ELANE: variants seen among roughly 807,000 people sequenced by gnomAD.
ELANE encodes neutrophil elastase.
Under a neutral mutation model 20.6 loss-of-function variants are expected in ELANE, and 12 were observed. The ratio of observed to expected loss-of-function variants is 0.58; its 90% CI spans 0.37 to 0.94. The LOEUF (loss-of-function observed/expected upper bound fraction) is 0.94. ELANE is among the 40% of genes least tolerant of loss of function. The pLI, the probability that ELANE is intolerant of heterozygous loss-of-function variation, is 0.01. For synonymous variants in ELANE, 203 were observed against 177.4 expected (o/e 1.14, Z -1.15); for missense variants, 388 against 395.2 (o/e 0.98, Z 0.15).
rs538255080 is a variant in ELANE, at chr19:855,616, C to T, written c.419C>T (p.Ala140Val). The T allele has an allele frequency of 1.9e-6, 3 of 1,602,964 alleles. No individual in the cohort carries two copies. Among genetic ancestry groups the T allele is most frequent in the East Asian group, 4.5e-5 (2 of 44,872 alleles). Reference protein sequence around the residue: ...NANVQVAQLPAQGRRLGNGVQ... With the variant: ...NANVQVAQLPVQGRRLGNGVQ... ...AACGTGCAGGTGGCCCAGCTGCCGG[C>T]TCAGGGACGCCGCCTGGGCAACGGG... is the stretch of plus-strand genomic sequence containing the variant. The change falls in exon 4 of 5, where the codon GCT becomes GTT. Residue 140 changes from alanine to valine, a missense_variant. Coordinates refer to ENST00000263621, the MANE Select transcript of ELANE (RefSeq NM_001972.4). This position sits in a 1 kb window ranked among gnomAD's most constrained non-coding sequence, Gnocchi z 6.2.
At chr19:852,836 C>T (rs1238680869) in intron 1 of ELANE, 40 bp from the exon 2 acceptor site, 1 of 1,586,278 alleles carries the variant, frequency 6.3e-7, no homozygotes, top group Non-Finnish European at 8.5e-7. Flanking sequence ...GGACAGGCTC[C>T]TTGGCAGGCA....
chr19:853,043 G>A lies in ELANE; in HGVS notation c.224+11G>A, dbSNP rs1053029211. On this transcript the variant is annotated intron_variant, in intron 2 of 4. Coordinates refer to ENST00000263621, the MANE Select transcript of ELANE (RefSeq NM_001972.4). ...CTGCGTGGCGAATGTGTGAGTAGCC[G>A]GGAGTGTGCGCGCCCGGCTCGGACC... is the stretch of plus-strand genomic sequence containing the variant. 8 of 1,550,778 alleles carry A rather than the reference G, an allele frequency of 5.2e-6. No homozygotes were observed. Among genetic ancestry groups the A allele is most frequent in the African/African-American group, 4.1e-5 (3 of 73,492 alleles).
At chr19:853,207 G>A in intron 2 of ELANE, 55 bp from the exon 3 acceptor site, 1 of 1,538,180 alleles carries the variant, frequency 6.5e-7, no homozygotes, top group East Asian at 2.5e-5. Context: ...ACAAGGCGCG[G>A]CTGAGCCCCG....
rs200786414 is a variant in ELANE at position 853,358 on chromosome 19, C to T, written c.321C>T (p.Asn107=). The change falls in exon 3 of 5, where the codon AAC becomes AAT. Residue 107 remains asparagine (N), a synonymous_variant. Coordinates refer to ENST00000263621, the MANE Select transcript of ELANE (RefSeq NM_001972.4). ...QVFAVQRIFE[N]GYDPVNLLND... Reference sequence around the variant, plus strand: ...TCGCCGTGCAGCGCATCTTCGAAAACGGCTACGACCCCGTAAACTTGCTCA... The same window carrying T: ...TCGCCGTGCAGCGCATCTTCGAAAATGGCTACGACCCCGTAAACTTGCTCA... 1.5e-5 allele frequency: 24 copies of T among 1,611,582 alleles called. No individual in the cohort carries two copies. The highest frequency in any genetic ancestry group is 3.3e-5 in the Admixed American group (2 of 59,920).
At position 855,698 on chromosome 19, in the gene ELANE, C is replaced by G. The variant is rs756658547; in HGVS notation, c.501C>G (p.Ser167Arg). The G allele has an allele frequency of 6.2e-7, 1 of 1,609,714 alleles. No individual in the cohort carries two copies. Residue 167 changes from serine to arginine, a missense_variant, in exon 4 of 5, where the codon AGC (serine) becomes AGG (arginine). Coordinates refer to ENST00000263621, the MANE Select transcript of ELANE (RefSeq NM_001972.4). The surrounding 1 kb of genome is among the most constrained non-coding windows in gnomAD (Gnocchi z 6.2). ...GLLGRNRGIA[S>R]VLQELNVTVV... ...TGGGCAGGAACCGTGGGATCGCCAG[C>G]GTCCTGCAGGAGCTCAACGTGACGG...
chr19:855,459 C>A lies in ELANE; in HGVS notation c.367-105C>A. The A allele has an allele frequency of 7.6e-7, 1 of 1,311,676 alleles. No individual in the cohort carries two copies. Among genetic ancestry groups the A allele is most frequent in the Non-Finnish European group, 1.1e-6 (1 of 941,894 alleles). The allele number at this position is 1,311,676 out of a possible 1,614,324, so 81.3% of individuals were successfully genotyped here. A position where few individuals can be genotyped will look rare whatever the true frequency, so the allele number is the denominator to read the frequency against. On this transcript the variant is annotated intron_variant, in intron 3 of 4. Coordinates refer to ENST00000263621, the MANE Select transcript of ELANE (RefSeq NM_001972.4). The surrounding 1 kb of genome is among the most constrained non-coding windows in gnomAD (Gnocchi z 6.2). Reference sequence around the variant, plus strand: ...GTGGGTATCCTGCCCTGCAGGATCCCAGAACCACAGTGGAACCTGAGATGG... The same window carrying A: ...GTGGGTATCCTGCCCTGCAGGATCCAAGAACCACAGTGGAACCTGAGATGG...
At position 855,571 on chromosome 19, in the gene ELANE, G is replaced by A. The variant is rs1334071792; in HGVS notation, c.374G>A (p.Gly125Glu). 1.3e-6 allele frequency: 2 copies of A among 1,599,252 alleles called. No homozygotes were observed. The highest frequency in any genetic ancestry group is 2.7e-5 in the African/African-American group (2 of 74,918). Residue 125 changes from glycine (G) to glutamate (E), a missense_variant, in exon 4 of 5, where the codon GGG (glycine) becomes GAG (glutamate). Physicochemically the swap from Gly to Glu is moderately conservative, Grantham distance 98. Around this residue, in one of 3 missense-constraint regions of ELANE, gnomAD observed 321 missense variants for 309.8 expected, o/e 1.04. Coordinates refer to ENST00000263621, the MANE Select transcript of ELANE (RefSeq NM_001972.4). This position sits in a 1 kb window ranked among gnomAD's most constrained non-coding sequence, Gnocchi z 6.2. Reference sequence around the variant, plus strand: ...CTGTCCCCACCGCCACAGCTCAACGGGTCGGCCACCATCAACGCCAACGTG... The same window carrying A: ...CTGTCCCCACCGCCACAGCTCAACGAGTCGGCCACCATCAACGCCAACGTG... ...LNDIVILQLN[G>E]SATINANVQV... is the part of the protein sequence containing the mutation.
At chr19:853,211 A>G in intron 2 of ELANE, 51 bp from the exon 3 acceptor site, 1 of 1,541,278 alleles carries the variant, frequency 6.5e-7, no homozygotes, top group Non-Finnish European at 8.7e-7. Flanking sequence ...GGCGCGGCTG[A>G]GCCCCGACCC....
rs1393279561 is a variant in ELANE at position 856,189 on chromosome 19, C to A, written c.*25C>A. The stretch of plus-strand genomic sequence containing the variant: ...AGAAGGGCTGCCCGGGTCACCTCAG[C>A]TGCCCACACCCACACTCTCCAGCAT... On this transcript the variant is annotated 3_prime_UTR_variant, in exon 5 of 5. Coordinates refer to ENST00000263621, the MANE Select transcript of ELANE (RefSeq NM_001972.4). 1 of 1,610,410 alleles carries A rather than the reference C, an allele frequency of 6.2e-7. No homozygotes were observed.
At chr19:854,801 A>T (rs1233129249) in intron 3 of ELANE, among the ~76,000 whole-genome samples, 1 of 146,558 alleles carries the variant, frequency 6.8e-6, no homozygotes, top group Non-Finnish European at 1.5e-5. Context: ...AAAATAATAA[A>T]TATAAAATAT....
chr19:853,054 C>T (rs1478492063), intron 2 of ELANE, 22 bp downstream of exon 2: 2 of 1,539,660 alleles, frequency 1.3e-6, no homozygotes, highest in Admixed American at 1.9e-5. Context: ...GGAGTGTGCG[C>T]GCCCGGCTCG....
rs541014944 is a variant in ELANE, at chr19:854,452, C to T, written c.366+1049C>T. ...CTCAAAAAAAAAAAAAAAGATTCCT[C>T]CCTGGGAAGGGTTAGAGGGAGAGTT... is the stretch of plus-strand genomic sequence containing the variant. On this transcript the variant is annotated intron_variant, in intron 3 of 4. Coordinates refer to ENST00000263621, the MANE Select transcript of ELANE (RefSeq NM_001972.4). Among the ~76,000 whole-genome samples the T allele has an allele frequency of 3.3e-5, 5 of 151,076 alleles. No homozygotes were observed. The South Asian group carries it at 1.0e-3, about 32-fold the overall frequency.
Position 852,921 on chromosome 19 carries a change from C to T in ELANE, c.113C>T (p.Pro38Leu), listed in dbSNP as rs986515965. 4 of 1,596,770 alleles carry T rather than the reference C, an allele frequency of 2.5e-6. No homozygotes were observed. Among genetic ancestry groups the T allele is most frequent in the Non-Finnish European group, 3.4e-6 (4 of 1,177,352 alleles). Residue 38 changes from proline to leucine, a missense_variant, in exon 2 of 5, where the codon CCC (proline) becomes CTC (leucine). Coordinates refer to ENST00000263621, the MANE Select transcript of ELANE (RefSeq NM_001972.4). The part of the protein sequence containing the change: ...SEIVGGRRAR[P>L]HAWPFMVSLQ... ...ATTGTGGGGGGCCGGCGAGCGCGGC[C>T]CCACGCGTGGCCCTTCATGGTGTCC...
rs201460728 is a variant in ELANE at position 855,804 on chromosome 19, C to G, written c.597+10C>G. ...GGCCGGCGTCTGTTTCGTACGTGCCCTGGGTGTCCCTCTGCTCCCCACCCG... is the reference window on the plus strand; with the variant it reads ...GGCCGGCGTCTGTTTCGTACGTGCCGTGGGTGTCCCTCTGCTCCCCACCCG... On this transcript the variant is annotated intron_variant, in intron 4 of 4. Transcript: ENST00000263621. The surrounding 1 kb of genome is among the most constrained non-coding windows in gnomAD (Gnocchi z 6.2). 5.9e-5 allele frequency: 95 copies of G among 1,607,980 alleles called. No individual in the cohort carries two copies. Among genetic ancestry groups the G allele is most frequent in the Non-Finnish European group, 7.4e-5 (87 of 1,179,862 alleles).
In ELANE at chr19:852,928, G is replaced by A. The variant is rs1331769113; in HGVS notation, c.120G>A (p.Ala40=). ...IVGGRRARPH[A]WPFMVSLQLR... The stretch of plus-strand genomic sequence containing the variant: ...GGGGCCGGCGAGCGCGGCCCCACGC[G>A]TGGCCCTTCATGGTGTCCCTGCAGC... Residue 40 remains alanine (A), a synonymous_variant, in exon 2 of 5, where the codon GCG becomes GCA. Transcript: ENST00000263621. 3.1e-6 allele frequency: 5 copies of A among 1,596,932 alleles called. No homozygotes were observed. Among genetic ancestry groups the A allele is most frequent in the Non-Finnish European group, 4.2e-6 (5 of 1,177,472 alleles).
Position 855,911 on chromosome 19 carries a change from G to C in ELANE, c.598-47G>C. 1 of 1,610,610 alleles carries C rather than the reference G, an allele frequency of 6.2e-7. No homozygotes were observed. Among genetic ancestry groups the C allele is most frequent in the Non-Finnish European group, 8.5e-7 (1 of 1,179,420 alleles). ...CAACCCTGACAGGCGGCGGGCAGGT[G>C]GGCAGGGCCTCGCAGTCCAGCTTCC... On this transcript the variant is annotated intron_variant, in intron 4 of 4. Coordinates refer to ENST00000263621, the MANE Select transcript of ELANE (RefSeq NM_001972.4). This position sits in a 1 kb window ranked among gnomAD's most constrained non-coding sequence, Gnocchi z 6.2.
chr19:856,209 C>T lies in ELANE; in HGVS notation c.*45C>T. The T allele has an allele frequency of 6.3e-7, 1 of 1,592,120 alleles. No homozygotes were observed. The highest frequency in any genetic ancestry group is 8.6e-7 in the Non-Finnish European group (1 of 1,161,552). ...CTCAGCTGCCCACACCCACACTCTC[C>T]AGCATCTGGCACAATAAACATTCTC... On this transcript the variant is annotated 3_prime_UTR_variant, in exon 5 of 5. Transcript: ENST00000263621.
intron 3 of ELANE, among the ~76,000 whole-genome samples, chr19:853,665 C>T (rs1287721209): frequency 6.6e-6 from 1 of 151,642 alleles, no homozygotes; most frequent in Non-Finnish European, 1.5e-5. Flanking sequence ...AGGGAGGCCC[C>T]GATCTGTTGT....
At chr19:853,195 C>A (rs1272703321) in intron 2 of ELANE, 67 bp from the exon 3 acceptor site, 5 of 1,517,796 alleles carry the variant, frequency 3.3e-6, no homozygotes, top group African/African-American at 1.4e-5. Flanking sequence ...CGGATGGGGA[C>A]GACAAGGCGC....
Sources: allele counts gnomAD v4.1 joint callset (sites outside exome capture counted in the v4.1 genomes callset), GRCh38; gene constraint gnomAD v4.1.1; regional missense constraint gnomAD v4.1.1; non-coding constraint Gnocchi (gnomAD v3.1); transcripts MANE v1.5; gene names NCBI Gene and HGNC (gene_info 2026-07-23, HGNC 2026-07-21).